Variants in HERC1 observed in about 807,000 individuals in gnomAD.
HERC1 encodes the protein HECT and RLD domain containing E3 ubiquitin protein ligase family member 1.
Under a neutral mutation model 554.3 loss-of-function variants are expected in HERC1, and 160 were observed. The ratio of observed to expected loss-of-function variants is 0.29; its 90% CI spans 0.25 to 0.33. HERC1 has a LOEUF of 0.33. Among genes scored for constraint, HERC1 ranks in the 10% least tolerant of loss-of-function variants. HERC1 has a pLI of 1.00. For synonymous variants in HERC1, 2,175 were observed against 2,131.7 expected, an observed-to-expected ratio of 1.02 and a Z score of -0.56; for missense variants, 4,919 against 5,918.5, an observed-to-expected ratio of 0.83 and a Z score of 5.54.
chr15:63,821,256 T>TA (rs2077681218), intron 1 of HERC1, among the ~76,000 whole-genome samples: 2 of 151,880 alleles, frequency 1.3e-5, no homozygotes, highest in Admixed American at 1.3e-4. Flanking sequence ...ACCTCATCCC[T>TA]AAAAAAATTA....
At chr15:63,802,703 A>T (rs1247837300) in intron 1 of HERC1, among the ~76,000 whole-genome samples, 3 of 152,228 alleles carry the variant, frequency 2.0e-5, no homozygotes, top group African/African-American at 7.2e-5. Flanking sequence ...CTACCAAGGA[A>T]CTGGAAAAAA....
chr15:63,769,848 T>C (rs1212141324), intron 2 of HERC1, among the ~76,000 whole-genome samples: 1 of 152,108 alleles, frequency 6.6e-6, no homozygotes, highest in African/African-American at 2.4e-5. Flanking sequence ...AGAGCAAGAC[T>C]CTCTGTCTTA....
At chr15:63,667,761 A>G (rs1318233322) in intron 40 of HERC1, among the ~76,000 whole-genome samples, 3 of 152,218 alleles carry the variant, frequency 2.0e-5, no homozygotes, top group Non-Finnish European at 4.4e-5. Flanking sequence ...CTAAAAATAT[A>G]AAACGAAGTA....
intron 1 of HERC1, among the ~76,000 whole-genome samples, chr15:63,800,303 T>C (rs1027241505): frequency 3.3e-5 from 5 of 152,236 alleles, no homozygotes; most frequent in African/African-American, 1.2e-4. Context: ...ATCTCTCCTC[T>C]GACAAGAAGG....
Position 63,758,470 on chromosome 15 carries a change from ACT to A in HERC1, c.1027-103_1027-102del. The A allele has an allele frequency of 1.4e-6, 1 of 730,604 alleles. No individual in the cohort carries two copies. Among genetic ancestry groups the A allele is most frequent in the Non-Finnish European group, 2.2e-6 (1 of 459,618 alleles). 45.3% of individuals were successfully genotyped at this position (730,604 alleles called of 1,614,324 possible). ...AATTACTGTTGCCTTTCCTTCCAAC[ACT>A]CTCAAATGCTCAAAGAACCTATTAA... is the stretch of plus-strand genomic sequence containing the variant. On this transcript the variant is annotated intron_variant, in intron 3 of 77. Transcript: ENST00000443617. The surrounding 1 kb of genome is among the most constrained non-coding windows in gnomAD (Gnocchi z 4.0).
Position 63,775,392 on chromosome 15 carries a change from A to G in HERC1, c.232T>C (p.Tyr78His), listed in dbSNP as rs751765722. The G allele has an allele frequency of 7.4e-6, 12 of 1,613,898 alleles. No homozygotes were observed. In the East Asian group the frequency reaches 2.0e-4, roughly 27 times the overall value. ...TGGCTGCTAAGAAGGGCATCCAAAT[A>G]GTGGTCCTGCTCATCACTTGAAAGA... ...ESLSSDEQDHYLDALLSSQLA... is the reference protein window; with the variant it reads ...ESLSSDEQDHHLDALLSSQLA... Residue 78 changes from tyrosine (Y) to histidine (H), a missense_variant, in exon 2 of 78, where the codon TAT (tyrosine) becomes CAT (histidine). Physicochemically the swap from Tyr to His is moderately conservative, Grantham distance 83. Around this residue, in one of 11 missense-constraint regions of HERC1, gnomAD observed 110 missense variants for 99.3 expected, o/e 1.11. Transcript: ENST00000443617. This position sits in a 1 kb window ranked among gnomAD's most constrained non-coding sequence, Gnocchi z 4.0.
At chr15:63,820,534 A>G (rs2077652151) in intron 1 of HERC1, among the ~76,000 whole-genome samples, 1 of 152,214 alleles carries the variant, frequency 6.6e-6, no homozygotes, top group East Asian at 1.9e-4. Flanking sequence ...ATTATATCAA[A>G]TAAAAGTGGC....
chr15:63,648,298 A>G, intron 54 of HERC1, 99 bp from the exon 55 acceptor site: 1 of 1,211,900 alleles, frequency 8.3e-7, no homozygotes, highest in Non-Finnish European at 1.1e-6. Flanking sequence ...TAATGCAACC[A>G]TTGCAAGTAA....
chr15:63,795,740 C>CA (rs758331601), intron 1 of HERC1, among the ~76,000 whole-genome samples: 3 of 152,182 alleles, frequency 2.0e-5, no homozygotes, highest in Non-Finnish European at 4.4e-5. Flanking sequence ...ACAAAAGAGA[C>CA]AGGGTCATTT....
At chr15:63,705,198 G>T (rs1370187577) in intron 25 of HERC1, among the ~76,000 whole-genome samples, 1 of 151,974 alleles carries the variant, frequency 6.6e-6, no homozygotes, top group Non-Finnish European at 1.5e-5. Context: ...TTGTCACACA[G>T]GCTGGAGTGC....
chr15:63,611,358 T>TAAA (rs750613163), intron 77 of HERC1, among the ~76,000 whole-genome samples: 3 of 152,192 alleles, frequency 2.0e-5, no homozygotes, highest in Non-Finnish European at 4.4e-5. Context: ...GTCAGACAGG[T>TAAA]GCTTAAGAAA....
chr15:63,706,888 T>C (rs2073036247), intron 24 of HERC1, 57 bp from the exon 25 acceptor site: 1 of 1,070,740 alleles, frequency 9.3e-7, no homozygotes, highest in Non-Finnish European at 1.4e-6. Context: ...ATTTTAAGAT[T>C]AAGATTTAAT....
At chr15:63,820,388 C>T (rs534812858) in intron 1 of HERC1, among the ~76,000 whole-genome samples, 1 of 152,160 alleles carries the variant, frequency 6.6e-6, no homozygotes, top group East Asian at 1.9e-4. Context: ...TAACAAAGTT[C>T]AATGATACTT....
chr15:63,635,922 T>C (rs372344740), intron 65 of HERC1, 39 bp downstream of exon 65: 1 of 1,603,308 alleles, frequency 6.2e-7, no homozygotes, highest in Non-Finnish European at 8.5e-7. Flanking sequence ...AACTAGTATA[T>C]TTACAATGAA....
At chr15:63,630,690 G>A (rs1430460300) in intron 68 of HERC1, 55 bp from the exon 69 acceptor site, 35 of 1,521,382 alleles carry the variant, frequency 2.3e-5, no homozygotes, top group Admixed American at 2.0e-4. Flanking sequence ...ACAACACAGT[G>A]CTTTTATATT....
chr15:63,677,702 A>C lies in HERC1; in HGVS notation c.7070+143T>G. Reference sequence around the variant, plus strand: ...AAATTCTCCTTTAAGAAATTACAGTAGAAACATCTAGCTGCATGAGAAATA... The same window carrying C: ...AAATTCTCCTTTAAGAAATTACAGTCGAAACATCTAGCTGCATGAGAAATA... On this transcript the variant is annotated intron_variant, in intron 37 of 77. Coordinates refer to ENST00000443617, the MANE Select transcript of HERC1 (RefSeq NM_003922.4). This position sits in a 1 kb window ranked among gnomAD's most constrained non-coding sequence, Gnocchi z 4.4. 1 of 1,368,424 alleles carries C rather than the reference A, an allele frequency of 7.3e-7. No homozygotes were observed. The highest frequency in any genetic ancestry group is 9.8e-7 in the Non-Finnish European group (1 of 1,022,142). The allele number at this position is 1,368,424 out of a possible 1,614,324, so 84.8% of individuals were successfully genotyped here.
chr15:63,697,599 C>T (rs2072496327), intron 26 of HERC1, among the ~76,000 whole-genome samples: 1 of 151,926 alleles, frequency 6.6e-6, no homozygotes, highest in African/African-American at 2.4e-5. Flanking sequence ...GGATTACAGG[C>T]ATCCACCACC....
rs8029813 is a variant in HERC1, at chr15:63,734,004, A to G, written c.2646+720T>C. Among the ~76,000 whole-genome samples the G allele has an allele frequency of 5.5e-4, 84 of 151,432 alleles. No individual in the cohort carries two copies. In the East Asian group the frequency reaches 0.011, roughly 20 times the overall value. ...ACAGCAAGACCCCACCGCTATAAAA[A>G]TAAGAAAAAAAAATTAGCCGGGTGT... On this transcript the variant is annotated intron_variant, in intron 13 of 77. Coordinates refer to ENST00000443617, the MANE Select transcript of HERC1 (RefSeq NM_003922.4). The surrounding 1 kb of genome is among the most constrained non-coding windows in gnomAD (Gnocchi z 4.6).
At chr15:63,658,477 C>T (rs2070171930) in intron 48 of HERC1, 67 bp downstream of exon 48, 1 of 1,418,988 alleles carries the variant, frequency 7.0e-7, no homozygotes, top group Non-Finnish European at 9.6e-7. Context: ...TCCCAAACAC[C>T]ACCAGACTTC....
Sources: allele counts gnomAD v4.1 joint callset (sites outside exome capture counted in the v4.1 genomes callset), GRCh38; gene constraint gnomAD v4.1.1; regional missense constraint gnomAD v4.1.1; non-coding constraint Gnocchi (gnomAD v3.1); transcripts MANE v1.5; gene names NCBI Gene and HGNC (gene_info 2026-07-23, HGNC 2026-07-21).